The following ESRRG variants were observed in gnomAD, a reference collection of about 807,000 sequenced individuals.
ESRRG encodes estrogen related receptor gamma.
Under a neutral mutation model 44.0 loss-of-function variants are expected in ESRRG, and 13 were observed. The ratio of observed to expected loss-of-function variants is 0.30; its 90% CI spans 0.19 to 0.47. The LOEUF (loss-of-function observed/expected upper bound fraction) is 0.47, where lower values mean the gene tolerates loss of function less well. Among genes scored for constraint, ESRRG ranks in the 20% least tolerant of loss-of-function variants. ESRRG has a pLI of 1.00. For synonymous variants in ESRRG, 215 were observed against 214.6 expected, an observed-to-expected ratio of 1.00 and a Z score of -0.02; for missense variants, 395 against 580.6, an observed-to-expected ratio of 0.68 and a Z score of 3.29.
At chr1:216,984,537 G>C (rs2074549327) in intron 1 of ESRRG, among the ~76,000 whole-genome samples, 1 of 152,188 alleles carries the variant, frequency 6.6e-6, no homozygotes, top group South Asian at 2.1e-4. Context: ...TAATGGGAAA[G>C]TGCTTACTAG....
At chr1:216,908,449 G>C (rs1386495311) in intron 2 of ESRRG, among the ~76,000 whole-genome samples, 2 of 152,254 alleles carry the variant, frequency 1.3e-5, no homozygotes, top group South Asian at 2.1e-4. Context: ...CAAAAATTTA[G>C]GGCTGAGAAT....
chr1:217,135,566 A>G (rs2093038098), intron 1 of ESRRG, among the ~76,000 whole-genome samples: 1 of 151,360 alleles, frequency 6.6e-6, no homozygotes, highest in South Asian at 2.1e-4. Context: ...CGGCGGCGGC[A>G]GGGCGGCTGC....
At chr1:217,109,370 A>G (rs2092635529) in intron 1 of ESRRG, among the ~76,000 whole-genome samples, 1 of 152,116 alleles carries the variant, frequency 6.6e-6, no homozygotes, top group South Asian at 2.1e-4. Flanking sequence ...ACTTTTTCAC[A>G]ACACCCACAG....
chr1:216,564,650 A>G (rs1471506174), intron 4 of ESRRG, among the ~76,000 whole-genome samples: 2 of 152,098 alleles, frequency 1.3e-5, no homozygotes, highest in African/African-American at 4.8e-5. Context: ...TCCTGTAGTG[A>G]AAATTTTTAT....
At chr1:216,858,167 GT>G (rs1296019713) in intron 2 of ESRRG, among the ~76,000 whole-genome samples, 2 of 152,080 alleles carry the variant, frequency 1.3e-5, no homozygotes, top group Non-Finnish European at 2.9e-5. Context: ...GCTGGGTGCA[GT>G]GGCTCACGCC....
chr1:216,599,039 A>G (rs940492203), intron 3 of ESRRG, among the ~76,000 whole-genome samples: 15 of 152,182 alleles, frequency 9.9e-5, no homozygotes, highest in African/African-American at 3.6e-4. Flanking sequence ...AGTTATGGGT[A>G]TGGTACATGT....
At chr1:217,117,947 G>A (rs1360738106) in intron 1 of ESRRG, among the ~76,000 whole-genome samples, 1 of 152,158 alleles carries the variant, frequency 6.6e-6, no homozygotes. Flanking sequence ...TTCACCAAAA[G>A]TTGCACTGAC....
intron 1 of ESRRG, among the ~76,000 whole-genome samples, chr1:216,687,053 G>T (rs796288028): frequency 7.6e-6 from 1 of 131,580 alleles, no homozygotes; most frequent in South Asian, 2.4e-4. Flanking sequence ...GTGTCTGTGT[G>T]TGTGTGTGTG....
chr1:216,508,348 A>G (rs1558150690), intron 6 of ESRRG, among the ~76,000 whole-genome samples: 1 of 152,200 alleles, frequency 6.6e-6, no homozygotes, highest in Non-Finnish European at 1.5e-5. Context: ...TCATTCCACC[A>G]TATCACTGGT....
intron 5 of ESRRG, among the ~76,000 whole-genome samples, chr1:216,529,420 A>G (rs928982705): frequency 6.6e-6 from 1 of 152,188 alleles, no homozygotes; most frequent in African/African-American, 2.4e-5. Context: ...AAGCAGATGA[A>G]TTTTGTGAAT....
At chr1:217,015,779 G>A (rs913751044) in intron 1 of ESRRG, among the ~76,000 whole-genome samples, 6 of 149,556 alleles carry the variant, frequency 4.0e-5, no homozygotes, top group Non-Finnish European at 7.4e-5. Flanking sequence ...GCCCAGACTG[G>A]AGTGCAATGG....
chr1:216,571,975 T>C (rs927562372), intron 3 of ESRRG, among the ~76,000 whole-genome samples: 2 of 152,172 alleles, frequency 1.3e-5, no homozygotes, highest in African/African-American at 4.8e-5. Flanking sequence ...TAAAGGATCA[T>C]AAGAACTGAT....
chr1:217,034,352 T>C (rs192377156), intron 1 of ESRRG, among the ~76,000 whole-genome samples: 23 of 152,326 alleles, frequency 1.5e-4, no homozygotes, highest in Non-Finnish European at 1.0e-4. Context: ...GCTGCACTTA[T>C]TTCAAGCAAG....
At chr1:217,127,080 C>T (rs755876934) in intron 1 of ESRRG, among the ~76,000 whole-genome samples, 7 of 152,164 alleles carry the variant, frequency 4.6e-5, no homozygotes, top group Non-Finnish European at 8.8e-5. Flanking sequence ...ACTATACTCA[C>T]GGTATATTGA....
intron 1 of ESRRG, among the ~76,000 whole-genome samples, chr1:216,695,550 T>G (rs940832185): frequency 4.6e-5 from 7 of 152,216 alleles, no homozygotes; most frequent in Non-Finnish European, 1.0e-4. Context: ...TAGATCATAT[T>G]TGACTTTGTA....
intron 2 of ESRRG, among the ~76,000 whole-genome samples, chr1:216,749,352 G>A (rs1213034197): frequency 2.0e-5 from 3 of 152,062 alleles, no homozygotes; most frequent in African/African-American, 7.2e-5. Flanking sequence ...AAGCTGTTCT[G>A]CATTTGTCTG....
At chr1:217,107,795 G>T (rs1170185551) in intron 1 of ESRRG, among the ~76,000 whole-genome samples, 1 of 152,004 alleles carries the variant, frequency 6.6e-6, no homozygotes, top group East Asian at 1.9e-4. Flanking sequence ...TCTTTCTTAT[G>T]CTTGGAAATA....
intron 1 of ESRRG, among the ~76,000 whole-genome samples, chr1:217,113,239 G>A (rs2092679795): frequency 6.6e-6 from 1 of 152,150 alleles, no homozygotes; most frequent in Admixed American, 6.5e-5. Flanking sequence ...TGAGACAGTA[G>A]AGACAAGAGC....
intron 1 of ESRRG, among the ~76,000 whole-genome samples, chr1:216,955,895 T>A (rs1335383031): frequency 6.6e-6 from 1 of 152,158 alleles, no homozygotes; most frequent in Non-Finnish European, 1.5e-5. Flanking sequence ...AATTGAATTA[T>A]TTGTTTTGCT....
Sources: gnomAD v4.1 joint callset for allele counts (sites outside exome capture counted in the v4.1 genomes callset) on GRCh38, gnomAD v4.1.1 for gene constraint, MANE v1.5 for transcripts, NCBI Gene and HGNC (gene_info 2026-07-23, HGNC 2026-07-21) for gene names.